Variants in NKAIN2 observed in about 807,000 individuals in gnomAD.
NKAIN2 encodes the protein sodium/potassium transporting ATPase interacting 2.
Under a neutral mutation model 32.6 loss-of-function variants are expected in NKAIN2, and 14 were observed. The observed-to-expected ratio is 0.43, with a 90% CI of 0.28 to 0.67. The LOEUF is 0.67. Among genes scored for constraint, NKAIN2 ranks in the 30% least tolerant of loss-of-function variants. The pLI is 0.17. For synonymous variants in NKAIN2, 80 were observed against 87.2 expected (o/e 0.92, Z 0.46); for missense variants, 198 against 258.3 (o/e 0.77, Z 1.60).
chr6:124,719,507 A>G (rs537334546), intron 4 of NKAIN2, among the ~76,000 whole-genome samples: 2 of 152,298 alleles, frequency 1.3e-5, no homozygotes, highest in East Asian at 3.9e-4. Context: ...GTAGACAAAT[A>G]TCAAATAGTT....
chr6:124,142,886 A>C (rs1485846519), intron 1 of NKAIN2, among the ~76,000 whole-genome samples: 3 of 152,332 alleles, frequency 2.0e-5, no homozygotes, highest in Admixed American at 6.5e-5. Context: ...TTTTGTAAAA[A>C]AGAAGTAAAG....
intron 1 of NKAIN2, among the ~76,000 whole-genome samples, chr6:124,010,614 C>T (rs908553156): frequency 1.3e-5 from 2 of 150,892 alleles, no homozygotes; most frequent in African/African-American, 4.9e-5. Flanking sequence ...AAGTACTTAA[C>T]CTTTCTTTAC....
intron 1 of NKAIN2, among the ~76,000 whole-genome samples, chr6:124,185,778 T>C (rs1789690407): frequency 6.6e-6 from 1 of 152,162 alleles, no homozygotes; most frequent in Non-Finnish European, 1.5e-5. Context: ...TTATTGACTC[T>C]CCTTTTTGGA....
intron 4 of NKAIN2, among the ~76,000 whole-genome samples, chr6:124,679,719 A>G (rs1773529468): frequency 2.6e-5 from 4 of 152,196 alleles, no homozygotes; most frequent in Admixed American, 2.6e-4. Context: ...TGTGGGTGAG[A>G]ATAAAATAAA....
At chr6:124,643,303 A>G (rs1784057226) in intron 3 of NKAIN2, among the ~76,000 whole-genome samples, 1 of 152,158 alleles carries the variant, frequency 6.6e-6, no homozygotes, top group East Asian at 1.9e-4. Context: ...ATAAGGCTAC[A>G]TATTGCTACT....
chr6:124,286,507 G>A (rs1221559907), intron 2 of NKAIN2, among the ~76,000 whole-genome samples: 1 of 152,020 alleles, frequency 6.6e-6, no homozygotes, highest in East Asian at 1.9e-4. Context: ...TGCTAACCCT[G>A]TGTATTATCT....
intron 5 of NKAIN2, among the ~76,000 whole-genome samples, chr6:124,805,246 AG>A (rs1393273781): frequency 6.6e-6 from 1 of 152,154 alleles, no homozygotes; most frequent in Non-Finnish European, 1.5e-5. Flanking sequence ...ACCCCCCAGT[AG>A]GGGCAGACTG....
chr6:123,861,876 T>G (rs1775799252), intron 1 of NKAIN2, among the ~76,000 whole-genome samples: 2 of 152,208 alleles, frequency 1.3e-5, no homozygotes, highest in South Asian at 4.1e-4. Context: ...AAATGTTATT[T>G]GTACTGTAAT....
At chr6:123,941,615 A>G (rs1335719041) in intron 1 of NKAIN2, among the ~76,000 whole-genome samples, 1 of 151,990 alleles carries the variant, frequency 6.6e-6, no homozygotes, top group East Asian at 1.9e-4. Context: ...TATATAAAGA[A>G]GGTACTTCAA....
chr6:124,575,251 T>C (rs577456728), intron 3 of NKAIN2, among the ~76,000 whole-genome samples: 48 of 152,328 alleles, frequency 3.2e-4, no homozygotes, highest in Non-Finnish European at 6.0e-4. Flanking sequence ...CCTATCCCTT[T>C]CATTATATAT....
intron 3 of NKAIN2, among the ~76,000 whole-genome samples, chr6:124,588,338 A>G (rs940483249): frequency 4.6e-5 from 7 of 152,118 alleles, no homozygotes; most frequent in African/African-American, 1.7e-4. Flanking sequence ...AATTCTCATA[A>G]TTTAATGCAA....
At chr6:124,417,649 A>ACT in intron 3 of NKAIN2, among the ~76,000 whole-genome samples, 1 of 152,174 alleles carries the variant, frequency 6.6e-6, no homozygotes, top group African/African-American at 2.4e-5. Flanking sequence ...GAGCCCTTCT[A>ACT]CTCTATGTTT....
intron 1 of NKAIN2, among the ~76,000 whole-genome samples, chr6:123,835,855 T>A (rs977947192): frequency 6.6e-6 from 1 of 152,174 alleles, no homozygotes; most frequent in Non-Finnish European, 1.5e-5. Flanking sequence ...AGGTTCATGG[T>A]TGGACAGTAC....
chr6:124,141,929 G>C (rs1787162059), intron 1 of NKAIN2, among the ~76,000 whole-genome samples: 1 of 152,096 alleles, frequency 6.6e-6, no homozygotes, highest in Non-Finnish European at 1.5e-5. Context: ...GTTGTTCATT[G>C]GTTTGTATAA....
intron 3 of NKAIN2, among the ~76,000 whole-genome samples, chr6:124,470,667 G>A (rs1194237648): frequency 6.6e-6 from 1 of 152,010 alleles, no homozygotes; most frequent in African/African-American, 2.4e-5. Flanking sequence ...GGGAGATTTG[G>A]GGAATCCCAG....
chr6:124,264,398 C>A (rs1268576348), intron 1 of NKAIN2, among the ~76,000 whole-genome samples: 1 of 152,020 alleles, frequency 6.6e-6, no homozygotes, highest in East Asian at 1.9e-4. Flanking sequence ...CCATAGTTGG[C>A]AAATATATAT....
chr6:124,161,892 C>T (rs1442390027), intron 1 of NKAIN2, among the ~76,000 whole-genome samples: 1 of 152,026 alleles, frequency 6.6e-6, no homozygotes, highest in East Asian at 1.9e-4. Flanking sequence ...CTCAGCATCA[C>T]ACCATATACT....
rs375335822 is a variant in NKAIN2, at chr6:124,726,626, T to C, written c.475-64713T>C. On this transcript the variant is annotated intron_variant, in intron 4 of 6. Transcript: ENST00000368417. ...TGGGGAAAAAACAGAACAGAAAAAC[T>C]GGAAACTCTAAAAACCAGAGCGCCT... Among the ~76,000 whole-genome samples, 607 of 147,500 alleles carry C rather than the reference T, an allele frequency of 4.1e-3. 2 individuals carry two copies. Among genetic ancestry groups the C allele is most frequent in the African/African-American group, 0.013 (500 of 39,992 alleles).
At chr6:124,184,850 A>C (rs1244407972) in intron 1 of NKAIN2, among the ~76,000 whole-genome samples, 1 of 152,102 alleles carries the variant, frequency 6.6e-6, no homozygotes, top group Admixed American at 6.5e-5. Flanking sequence ...TTTTTTCAGC[A>C]ACTGTTAACC....
Sources: gnomAD v4.1 joint callset for allele counts (sites outside exome capture counted in the v4.1 genomes callset) on GRCh38, gnomAD v4.1.1 for gene constraint, MANE v1.5 for transcripts, NCBI Gene and HGNC (gene_info 2026-07-23, HGNC 2026-07-21) for gene names.